The following FBXO4 variants were observed in gnomAD, a reference collection of about 807,000 sequenced individuals.
The protein encoded by FBXO4 is F-box only protein 4.
FBXO4 carries 36 observed loss-of-function variants against 43.7 expected under a neutral mutation model. The observed-to-expected ratio is 0.82, with a 90% CI of 0.63 to 1.09. The LOEUF is 1.09. Among genes scored for constraint, FBXO4 ranks in the 50% least tolerant of loss-of-function variants. The pLI, the probability that FBXO4 is intolerant of heterozygous loss-of-function variation, is 0.00. For missense variants in FBXO4, 435 were observed against 474.1 expected (o/e 0.92, Z 0.77); for synonymous variants, 180 against 165.6 (o/e 1.09, Z -0.67).
the FBXO4 span, among the ~76,000 whole-genome samples, chr5:41,974,578 T>C: frequency 0.012 from 1,793 of 152,324 alleles, 38 homozygotes; most frequent in African/African-American, 0.041. Flanking sequence ...GTCACTGTTA[T>C]TGTGCTATTT....
chr5:42,004,844 A>C, the FBXO4 span, among the ~76,000 whole-genome samples: 6 of 152,126 alleles, frequency 3.9e-5, no homozygotes, highest in African/African-American at 9.7e-5. Context: ...CGACTCTACA[A>C]TTCTTAGTGA....
At chr5:42,033,792 G>A in the FBXO4 span, among the ~76,000 whole-genome samples, 6 of 152,238 alleles carry the variant, frequency 3.9e-5, no homozygotes, top group Admixed American at 3.9e-4. Context: ...ATGGGCATTT[G>A]GGTTGGTCAT....
At chr5:42,039,888 C>T in the FBXO4 span, among the ~76,000 whole-genome samples, 2 of 152,090 alleles carry the variant, frequency 1.3e-5, no homozygotes, top group African/African-American at 4.8e-5. Context: ...CTGTAAACTA[C>T]AGAGAATCTT....
chr5:41,997,318 A>T, the FBXO4 span, among the ~76,000 whole-genome samples: 114 of 152,346 alleles, frequency 7.5e-4, no homozygotes, highest in African/African-American at 2.6e-3. Context: ...AGAGAATTGA[A>T]TGAGATGTGG....
chr5:42,021,822 C>T, the FBXO4 span, among the ~76,000 whole-genome samples: 1 of 151,836 alleles, frequency 6.6e-6, no homozygotes, highest in East Asian at 1.9e-4. Context: ...TTTAAAGAGA[C>T]AGAATGTTGA....
chr5:41,967,860 C>T, the FBXO4 span: 1 of 584,230 alleles, frequency 1.7e-6, no homozygotes, highest in Non-Finnish European at 3.4e-6. Flanking sequence ...ACAATTCTTC[C>T]TCTGAAATTG....
rs1182205942 is a variant in FBXO4, at chr5:41,927,857, T to C, written c.425+609T>C. Among the ~76,000 whole-genome samples the C allele has an allele frequency of 5.3e-5, 8 of 152,310 alleles. No homozygotes were observed. The East Asian group carries it at 1.4e-3, about 26-fold the overall frequency. On this transcript the variant is annotated intron_variant, in intron 2 of 6. Transcript: ENST00000281623. ...GTTATGTGATTTGCCTAAAGTCATATAGCTTGTAAGGGACTATTCAGACTG... is the reference window on the plus strand; with the variant it reads ...GTTATGTGATTTGCCTAAAGTCATACAGCTTGTAAGGGACTATTCAGACTG...
At chr5:41,967,759 A>C in the FBXO4 span, 22 of 614,732 alleles carry the variant, frequency 3.6e-5, no homozygotes, top group Non-Finnish European at 4.8e-5. Context: ...AGAATTGCAG[A>C]TCTTTCTCTC....
the FBXO4 span, among the ~76,000 whole-genome samples, chr5:41,980,880 T>C: frequency 6.6e-6 from 1 of 152,022 alleles, no homozygotes; most frequent in African/African-American, 2.4e-5. Context: ...AAAATAAAAC[T>C]GAACAATCAA....
Position 41,925,331 on chromosome 5 carries a change from A to C in FBXO4, c.22A>C (p.Ser8Arg), listed in dbSNP as rs762437813. Residue 8 changes from serine to arginine, a missense_variant, in exon 1 of 7, where the codon AGC (serine) becomes CGC (arginine). By Grantham distance (110) the Ser-to-Arg change is moderately radical. Transcript: ENST00000281623. MAGSEPR[S>R]GTNSPPPPFS... ...AGCCATGGCGGGAAGCGAGCCGCGC[A>C]GCGGAACAAACTCGCCGCCGCCGCC... The C allele has an allele frequency of 8.9e-6, 12 of 1,350,076 alleles. No homozygotes were observed. The highest frequency in any genetic ancestry group is 4.6e-5 in the African/African-American group (3 of 65,120). 83.6% of individuals were successfully genotyped at this position (1,350,076 alleles called of 1,614,324 possible).
the FBXO4 span, among the ~76,000 whole-genome samples, chr5:41,973,274 T>C: frequency 6.6e-6 from 1 of 152,140 alleles, no homozygotes; most frequent in Non-Finnish European, 1.5e-5. Context: ...GAACAGACAC[T>C]TCTCAAAAGA....
intron 3 of FBXO4, among the ~76,000 whole-genome samples, chr5:41,931,818 A>G (rs913475286): frequency 1.3e-5 from 2 of 152,212 alleles, no homozygotes; most frequent in Admixed American, 6.5e-5. Flanking sequence ...GGAAGTGACT[A>G]TTAAATGGAG....
chr5:41,954,977 A>G, the FBXO4 span, among the ~76,000 whole-genome samples: 73 of 152,342 alleles, frequency 4.8e-4, 1 homozygote, highest in South Asian at 0.015. Context: ...AATATTTGGC[A>G]TCTAAAAGAG....
chr5:41,987,962 T>G, the FBXO4 span, among the ~76,000 whole-genome samples: 4 of 152,214 alleles, frequency 2.6e-5, no homozygotes, highest in Non-Finnish European at 5.9e-5. Context: ...CCAATGGCCC[T>G]GCCATATCTG....
intron 5 of FBXO4, among the ~76,000 whole-genome samples, chr5:41,935,273 C>CT (rs1219252713): frequency 6.6e-6 from 1 of 152,166 alleles, no homozygotes; most frequent in African/African-American, 2.4e-5. Flanking sequence ...CACTTATCAG[C>CT]TTTTTCCCAC....
chr5:42,012,998 A>G, the FBXO4 span, among the ~76,000 whole-genome samples: 1 of 152,156 alleles, frequency 6.6e-6, no homozygotes, highest in African/African-American at 2.4e-5. Context: ...TGAGTGGTTT[A>G]TCATGGGATT....
At chr5:42,002,125 T>C in the FBXO4 span, among the ~76,000 whole-genome samples, 1 of 152,196 alleles carries the variant, frequency 6.6e-6, no homozygotes, top group Non-Finnish European at 1.5e-5. Context: ...TTGTCTAGTC[T>C]TTAGGGTTTT....
At chr5:41,975,102 A>G in the FBXO4 span, among the ~76,000 whole-genome samples, 1 of 152,152 alleles carries the variant, frequency 6.6e-6, no homozygotes, top group African/African-American at 2.4e-5. Flanking sequence ...AGTGGGGTCT[A>G]TGGAGAAAAG....
the FBXO4 span, among the ~76,000 whole-genome samples, chr5:41,993,565 T>C: frequency 6.7e-6 from 1 of 150,328 alleles, no homozygotes; most frequent in Non-Finnish European, 1.5e-5. Flanking sequence ...CCCATATAAC[T>C]GAAACTTTTT....
Sources: allele counts gnomAD v4.1 joint callset (sites outside exome capture counted in the v4.1 genomes callset), GRCh38; gene constraint gnomAD v4.1.1; transcripts MANE v1.5; gene names NCBI Gene and HGNC (gene_info 2026-07-23, HGNC 2026-07-21).